Variants in NELFA observed in about 807,000 individuals in gnomAD.
The protein encoded by NELFA is negative elongation factor complex member A, also known as negative elongation factor A.
Under a neutral mutation model 51.8 loss-of-function variants are expected in NELFA, and 35 were observed. The ratio of observed to expected loss-of-function variants is 0.68; its 90% CI spans 0.52 to 0.90. NELFA has a LOEUF of 0.90. Among genes scored for constraint, NELFA ranks in the 40% least tolerant of loss-of-function variants. The pLI is 0.00. For missense variants in NELFA, 658 were observed against 746.4 expected, an observed-to-expected ratio of 0.88 and a Z score of 1.38; for synonymous variants, 417 against 338.4, an observed-to-expected ratio of 1.23 and a Z score of -2.55.
Position 1,983,382 on chromosome 4 carries a change from C to T in NELFA, c.1524G>A (p.Met508Ile). 2 of 1,614,196 alleles carry T rather than the reference C, an allele frequency of 1.2e-6. No individual in the cohort carries two copies. Among genetic ancestry groups the T allele is most frequent in the Non-Finnish European group, 1.7e-6 (2 of 1,180,036 alleles). ...TTMLVDTVFE[M>I]NYATGQWTRF... ...GCGTCCACTGGCCCGTGGCATAGTTCATCTCAAACACTGTGTCCACCAGCA... is the reference window on the plus strand; with the variant it reads ...GCGTCCACTGGCCCGTGGCATAGTTTATCTCAAACACTGTGTCCACCAGCA... The change falls in exon 11 of 11, where the codon ATG becomes ATA. Residue 508 changes from methionine to isoleucine, a missense_variant. Coordinates refer to ENST00000382882, the MANE Select transcript of NELFA (RefSeq NM_005663.5).
Position 1,985,846 on chromosome 4 carries a change from T to A in NELFA, c.854A>T (p.Lys285Met), listed in dbSNP as rs1463683994. 3.7e-6 allele frequency: 6 copies of A among 1,613,114 alleles called. No homozygotes were observed. The East Asian group carries it at 1.3e-4, about 36-fold the overall frequency. Residue 285 changes from lysine (K) to methionine (M), a missense_variant, in exon 7 of 11, where the codon AAG becomes ATG. Transcript: ENST00000382882. ...RKTLDAEVVEKPAKEETVVEN... is the reference protein window; with the variant it reads ...RKTLDAEVVEMPAKEETVVEN... ...CACCACCGTTTCCTCCTTGGCCGGC[T>A]TCTCCACCACCTCCGCATCTGTGGA... is the stretch of plus-strand genomic sequence containing the variant.
intron 1 of NELFA, 105 bp from the exon 2 acceptor site, chr4:1,991,820 C>A: frequency 8.2e-7 from 1 of 1,215,822 alleles, no homozygotes; most frequent in Non-Finnish European, 1.1e-6. Context: ...GGCTCTCTGG[C>A]AGTTGCCCCC....
intron 1 of NELFA, among the ~76,000 whole-genome samples, chr4:2,007,502 A>T (rs1202413771): frequency 6.6e-6 from 1 of 152,218 alleles, no homozygotes; most frequent in African/African-American, 2.4e-5. Context: ...GTCGACCAAA[A>T]AGACACATGC....
Position 1,985,845 on chromosome 4 carries a change from C to G in NELFA, c.855G>C (p.Lys285Asn). Residue 285 changes from lysine to asparagine, a missense_variant, in exon 7 of 11, where the codon AAG (lysine) becomes AAC (asparagine). Around this residue, in one of 3 missense-constraint regions of NELFA, gnomAD observed 371 missense variants for 448.3 expected, o/e 0.83. Coordinates refer to ENST00000382882, the MANE Select transcript of NELFA (RefSeq NM_005663.5). ...RKTLDAEVVEKPAKEETVVEN... is the reference protein window; with the variant it reads ...RKTLDAEVVENPAKEETVVEN... ...CCACCACCGTTTCCTCCTTGGCCGG[C>G]TTCTCCACCACCTCCGCATCTGTGG... 6.2e-7 allele frequency: 1 copy of G among 1,613,184 alleles called. No homozygotes were observed. The highest frequency in any genetic ancestry group is 8.5e-7 in the Non-Finnish European group (1 of 1,179,690).
intron 1 of NELFA, among the ~76,000 whole-genome samples, chr4:2,000,422 G>C (rs1234472279): frequency 1.3e-5 from 2 of 148,624 alleles, no homozygotes; most frequent in Admixed American, 6.7e-5. Context: ...AGAGAGAGAA[G>C]AATCAAATAG....
intron 1 of NELFA, among the ~76,000 whole-genome samples, chr4:2,000,521 A>T (rs1483310490): frequency 1.3e-5 from 2 of 152,264 alleles, no homozygotes; most frequent in East Asian, 3.9e-4. Context: ...TACTATAAAC[A>T]CCTCTACACA....
At chr4:2,006,332 G>A (rs1037008197) in intron 1 of NELFA, among the ~76,000 whole-genome samples, 2 of 152,224 alleles carry the variant, frequency 1.3e-5, no homozygotes, top group Non-Finnish European at 2.9e-5. Flanking sequence ...ATTCAAGTGC[G>A]AAAGGTAAAA....
chr4:1,986,461 C>T (rs773406107), intron 4 of NELFA, 59 bp from the exon 5 acceptor site: 6 of 1,609,202 alleles, frequency 3.7e-6, no homozygotes, highest in East Asian at 2.2e-5. Context: ...TCCCCCACCC[C>T]GAGCTCAGAA....
intron 1 of NELFA, chr4:2,007,339 T>C (rs1728735222): frequency 5.6e-6 from 1 of 178,374 alleles, no homozygotes; most frequent in African/African-American, 2.4e-5. Context: ...CATATGACCG[T>C]AATGTAGTAA....
intron 4 of NELFA, among the ~76,000 whole-genome samples, chr4:1,987,280 C>G (rs1472108416): frequency 6.6e-6 from 1 of 152,224 alleles, no homozygotes; most frequent in Non-Finnish European, 1.5e-5. Context: ...CAGGACGACA[C>G]CCGTCCTGCC....
intron 7 of NELFA, among the ~76,000 whole-genome samples, 155 bp from the exon 8 acceptor site, chr4:1,985,074 C>A (rs894746413): frequency 3.3e-5 from 5 of 152,202 alleles, no homozygotes; most frequent in African/African-American, 9.7e-5. Context: ...CTGGGCTAGA[C>A]AACGGGACCC....
At chr4:2,005,387 A>T (rs944064983) in intron 1 of NELFA, among the ~76,000 whole-genome samples, 1 of 152,200 alleles carries the variant, frequency 6.6e-6, no homozygotes, top group African/African-American at 2.4e-5. Context: ...TCTATAGAAA[A>T]AAAAAATTTT....
chr4:1,986,046 A>G, intron 6 of NELFA, 68 bp downstream of exon 6: 6 of 1,509,644 alleles, frequency 4.0e-6, no homozygotes, highest in Non-Finnish European at 2.7e-6. Flanking sequence ...CGTGGGCACA[A>G]CCCACCCCAA....
chr4:2,006,023 A>C (rs1020174663), intron 1 of NELFA, among the ~76,000 whole-genome samples: 1 of 152,212 alleles, frequency 6.6e-6, no homozygotes, highest in Non-Finnish European at 1.5e-5. Context: ...GTGTGAAGGG[A>C]CAAGAATAGC....
At chr4:1,988,668 C>T (rs2109057708) in intron 3 of NELFA, among the ~76,000 whole-genome samples, 1 of 152,330 alleles carries the variant, frequency 6.6e-6, no homozygotes, top group South Asian at 2.1e-4. Context: ...TATTGATGTA[C>T]ATTATAAATA....
intron 7 of NELFA, among the ~76,000 whole-genome samples, chr4:1,985,501 C>T (rs572726082): frequency 9.9e-5 from 15 of 152,238 alleles, no homozygotes; most frequent in Admixed American, 4.6e-4. Flanking sequence ...CCCTGCCTGA[C>T]GGGACACTGA....
rs1439452238 is a variant in NELFA, at chr4:1,986,350, G to C, written c.687C>G (p.Pro229=). 6.2e-7 allele frequency: 1 copy of C among 1,606,036 alleles called. No homozygotes were observed. The highest frequency in any genetic ancestry group is 1.1e-5 in the South Asian group (1 of 89,540). The stretch of plus-strand genomic sequence containing the variant: ...GGTTCCCTGTGGGGCTGAAGACGCT[G>C]GGCGCCGTGGGGCTTCTGAAGGGCG... The part of the protein sequence containing the change: ...KQAPFRSPTA[P]SVFSPTGNRT... The change falls in exon 5 of 11, where the codon CCC becomes CCG. Residue 229 remains proline, a synonymous_variant. Coordinates refer to ENST00000382882, the MANE Select transcript of NELFA (RefSeq NM_005663.5).
At position 1,991,571 on chromosome 4, in the gene NELFA, C is replaced by A. The variant is rs1319948762; in HGVS notation, c.355G>T (p.Asp119Tyr). 6.2e-7 allele frequency: 1 copy of A among 1,614,042 alleles called. No individual in the cohort carries two copies. The highest frequency in any genetic ancestry group is 8.5e-7 in the Non-Finnish European group (1 of 1,180,018). The change falls in exon 2 of 11, where the codon GAT (aspartate) becomes TAT (tyrosine). Residue 119 changes from aspartate (D) to tyrosine (Y), a missense_variant. By Grantham distance (160) the Asp-to-Tyr change is radical. Transcript: ENST00000382882. ...ELEEQNPNVQDILGELREKVG... is the reference protein window; with the variant it reads ...ELEEQNPNVQYILGELREKVG... Reference sequence around the variant, plus strand: ...TTTTCTCTAAGTTCTCCCAAAATATCCTGAACGTTGGGATTCTGCTCCTCC... The same window carrying A: ...TTTTCTCTAAGTTCTCCCAAAATATACTGAACGTTGGGATTCTGCTCCTCC...
chr4:2,005,967 C>G (rs192469909), intron 1 of NELFA, among the ~76,000 whole-genome samples: 1 of 152,272 alleles, frequency 6.6e-6, no homozygotes, highest in Admixed American at 6.5e-5. Context: ...TCCCAGCAGG[C>G]AGGCTCTACG....
Sources: gnomAD v4.1 joint callset for allele counts (sites outside exome capture counted in the v4.1 genomes callset) on GRCh38, gnomAD v4.1.1 for gene constraint, gnomAD v4.1.1 regional missense constraint, MANE v1.5 for transcripts, NCBI Gene and HGNC (gene_info 2026-07-23, HGNC 2026-07-21) for gene names.